The following MKLN1 variants were observed in gnomAD, a reference collection of about 807,000 sequenced individuals.
The protein encoded by MKLN1 is muskelin 1, also known as muskelin.
In MKLN1, 18 loss-of-function variants were observed where a neutral mutation model predicts 99.0. The observed-to-expected ratio is 0.18, with a 90% CI of 0.13 to 0.27. The LOEUF is 0.27. MKLN1 is among the 10% of genes least tolerant of loss of function. The probability of loss-of-function intolerance (pLI) is 1.00; values close to 1 mark genes in which losing one functional copy is unlikely to be tolerated. For synonymous variants in MKLN1, 288 were observed against 293.2 expected (o/e 0.98, Z 0.18); for missense variants, 621 against 875.9 (o/e 0.71, Z 3.67).
chr7:131,245,598 G>T (rs895950115), intron 3 of MKLN1, among the ~76,000 whole-genome samples: 2 of 152,020 alleles, frequency 1.3e-5, no homozygotes, highest in Non-Finnish European at 2.9e-5. Context: ...TCTTTTTACT[G>T]TACCTTTTCT....
intron 3 of MKLN1, among the ~76,000 whole-genome samples, chr7:131,260,048 ATT>A (rs61413385): frequency 0.95 from 143,756 of 150,616 alleles, 68,789 homozygotes; most frequent in South Asian, 0.99. Flanking sequence ...AATCAGCAGC[ATT>A]TTTTTTTTTT....
intron 3 of MKLN1, among the ~76,000 whole-genome samples, chr7:131,227,201 T>C (rs1797160359): frequency 6.6e-6 from 1 of 152,228 alleles, no homozygotes; most frequent in Admixed American, 6.5e-5. Context: ...CTCAGCGTCT[T>C]ATCAGAACGT....
intron 1 of MKLN1, among the ~76,000 whole-genome samples, chr7:131,343,358 CTT>C (rs897466407): frequency 3.9e-5 from 6 of 152,114 alleles, no homozygotes; most frequent in Non-Finnish European, 7.4e-5. Context: ...CTTTCTTAGA[CTT>C]TGTGTATATG....
chr7:131,245,215 G>A (rs892535792), intron 3 of MKLN1, among the ~76,000 whole-genome samples: 4 of 151,456 alleles, frequency 2.6e-5, no homozygotes, highest in Non-Finnish European at 5.9e-5. Flanking sequence ...ATGACATTTC[G>A]GTCAGTGACA....
chr7:131,289,968 T>C (rs1798192437), intron 3 of MKLN1, among the ~76,000 whole-genome samples: 1 of 152,216 alleles, frequency 6.6e-6, no homozygotes, highest in Non-Finnish European at 1.5e-5. Flanking sequence ...CTTTCTATTC[T>C]TTGCCCAAAT....
chr7:131,195,869 T>C (rs966942711), intron 2 of MKLN1, among the ~76,000 whole-genome samples: 1 of 152,114 alleles, frequency 6.6e-6, no homozygotes, highest in Non-Finnish European at 1.5e-5. Flanking sequence ...GGGAACCGCT[T>C]GAACCCAAGA....
At chr7:131,420,276 A>G (rs1488054555) in intron 8 of MKLN1, among the ~76,000 whole-genome samples, 1 of 152,022 alleles carries the variant, frequency 6.6e-6, no homozygotes, top group East Asian at 1.9e-4. Flanking sequence ...AGAAGGTGAA[A>G]GAGAAAAAGA....
At chr7:131,345,032 C>T (rs966388127) in intron 1 of MKLN1, among the ~76,000 whole-genome samples, 5 of 152,176 alleles carry the variant, frequency 3.3e-5, no homozygotes, top group African/African-American at 1.2e-4. Context: ...TCTCGAACTC[C>T]TGACCTCAGG....
In MKLN1 at chr7:131,277,096, C is replaced by T. The variant is rs1410668517; in HGVS notation, c.-179+74122C>T. ...CTAAATTCTTGTACAAGTATCTGTA[C>T]TCAATGAAAGCTCACTAAATTCTTG... On this transcript the variant is annotated intron_variant, in intron 3 of 7. Transcript: ENST00000416992. 2.0e-5 allele frequency among the ~76,000 whole-genome samples: 3 copies of T among 152,050 alleles called. No homozygotes were observed. In the East Asian group the frequency reaches 5.8e-4, roughly 29 times the overall value.
intron 12 of MKLN1, among the ~76,000 whole-genome samples, chr7:131,456,437 C>T (rs1476264345): frequency 1.3e-5 from 2 of 152,162 alleles, no homozygotes; most frequent in Admixed American, 6.5e-5. Flanking sequence ...TTAAATAAGA[C>T]TGAAGGCTCA....
At chr7:131,287,835 TAGTG>T (rs1195716476) in intron 3 of MKLN1, among the ~76,000 whole-genome samples, 2 of 152,082 alleles carry the variant, frequency 1.3e-5, no homozygotes, top group African/African-American at 4.8e-5. Context: ...GTTCTCGTGA[TAGTG>T]AGTGAGTTCT....
At chr7:131,271,003 A>G (rs910432373) in intron 3 of MKLN1, among the ~76,000 whole-genome samples, 16 of 151,994 alleles carry the variant, frequency 1.1e-4, no homozygotes, top group Non-Finnish European at 2.1e-4. Flanking sequence ...GTTCAATATC[A>G]TTGTAAAACT....
intron 2 of MKLN1, among the ~76,000 whole-genome samples, chr7:131,184,301 T>C (rs1374525355): frequency 6.6e-6 from 1 of 152,192 alleles, no homozygotes; most frequent in Non-Finnish European, 1.5e-5. Context: ...TATTTTCTAA[T>C]GTCTTAATGC....
intron 3 of MKLN1, among the ~76,000 whole-genome samples, chr7:131,244,920 G>A (rs1197191706): frequency 6.6e-6 from 1 of 152,070 alleles, no homozygotes; most frequent in Non-Finnish European, 1.5e-5. Context: ...CCCCTACACG[G>A]CGGCACCCTT....
At chr7:131,226,140 C>G (rs1797144214) in intron 3 of MKLN1, among the ~76,000 whole-genome samples, 1 of 151,822 alleles carries the variant, frequency 6.6e-6, no homozygotes, top group African/African-American at 2.4e-5. Context: ...GCCCCTTTCT[C>G]AAAATACACC....
At chr7:131,404,298 A>G (rs1193096759) in intron 6 of MKLN1, among the ~76,000 whole-genome samples, 1 of 152,176 alleles carries the variant, frequency 6.6e-6, no homozygotes, top group Non-Finnish European at 1.5e-5. Flanking sequence ...AGTGAAGGCA[A>G]CTGGACCTGA....
intron 2 of MKLN1, among the ~76,000 whole-genome samples, chr7:131,191,346 G>A (rs1796538300): frequency 6.6e-6 from 1 of 152,164 alleles, no homozygotes; most frequent in Non-Finnish European, 1.5e-5. Flanking sequence ...AGAAACTCTT[G>A]CATCAAGCCG....
intron 10 of MKLN1, among the ~76,000 whole-genome samples, chr7:131,442,808 A>C (rs919888363): frequency 6.6e-6 from 1 of 152,220 alleles, no homozygotes; most frequent in South Asian, 2.1e-4. Context: ...ACACATTTTT[A>C]TGAAAAGTTA....
chr7:131,129,022 C>A (rs1392234531), intron 1 of MKLN1, among the ~76,000 whole-genome samples: 1 of 148,958 alleles, frequency 6.7e-6, no homozygotes, highest in Non-Finnish European at 1.5e-5. Flanking sequence ...CATACACTTA[C>A]AAGAAAAAGA....
Sources: gnomAD v4.1 joint callset for allele counts (sites outside exome capture counted in the v4.1 genomes callset) on GRCh38, gnomAD v4.1.1 for gene constraint, MANE v1.5 for transcripts, NCBI Gene and HGNC (gene_info 2026-07-23, HGNC 2026-07-21) for gene names.